Variants in TAF3 observed in about 807,000 individuals in gnomAD.
TAF3 encodes the protein transcription initiation factor TFIID subunit 3.
TAF3 carries 7 observed loss-of-function variants against 80.6 expected under a neutral mutation model. The ratio of observed to expected loss-of-function variants is 0.09; its 90% CI spans 0.05 to 0.16. TAF3 has a LOEUF of 0.16. Among genes scored for constraint, TAF3 ranks in the 10% least tolerant of loss-of-function variants. TAF3 has a pLI of 1.00. For missense variants in TAF3, 921 were observed against 1,140.2 expected (o/e 0.81, Z 2.77); for synonymous variants, 444 against 446.1 (o/e 1.00, Z 0.06).
intron 2 of TAF3, among the ~76,000 whole-genome samples, chr10:7,922,190 TC>T (rs1259287375): frequency 2.0e-5 from 3 of 152,120 alleles, no homozygotes; most frequent in Admixed American, 6.5e-5. Context: ...ATCGAGTACT[TC>T]TGTCTACTTG....
chr10:7,970,657 C>T (rs145244596), intron 3 of TAF3, among the ~76,000 whole-genome samples: 8 of 152,250 alleles, frequency 5.3e-5, no homozygotes, highest in African/African-American at 1.2e-4. Flanking sequence ...CCTGTTTAAC[C>T]GCCATATTTT....
chr10:7,872,213 ATTTTTT>A (rs34945620), intron 2 of TAF3, among the ~76,000 whole-genome samples: 2 of 121,972 alleles, frequency 1.6e-5, no homozygotes, highest in African/African-American at 6.2e-5. Context: ...TGTTGGGTTG[ATTTTTT>A]TTTTTTTTTT....
intron 3 of TAF3, among the ~76,000 whole-genome samples, chr10:7,975,511 A>G (rs4747654): frequency 0.36 from 55,375 of 152,102 alleles, 11,113 homozygotes; most frequent in Admixed American, 0.49. Context: ...GGAATTAAAA[A>G]TGTTCTTTGG....
chr10:7,849,489 A>G (rs910679604), intron 2 of TAF3, among the ~76,000 whole-genome samples: 11 of 152,186 alleles, frequency 7.2e-5, no homozygotes, highest in African/African-American at 2.7e-4. Flanking sequence ...TTTATGTTTC[A>G]TAAGCATTGT....
chr10:7,991,705 T>A (rs1019016265), intron 4 of TAF3, among the ~76,000 whole-genome samples: 1 of 152,196 alleles, frequency 6.6e-6, no homozygotes, highest in Non-Finnish European at 1.5e-5. Context: ...AATAAGTATA[T>A]ATACACTATA....
chr10:7,886,446 T>A (rs1837409611), intron 2 of TAF3, among the ~76,000 whole-genome samples: 1 of 152,218 alleles, frequency 6.6e-6, no homozygotes, highest in African/African-American at 2.4e-5. Context: ...TATGTAACTA[T>A]TTTTTTCTTT....
Position 7,948,347 on chromosome 10 carries a change from T to C in TAF3, c.410-15573T>C, listed in dbSNP as rs1838047343. 2.0e-5 allele frequency among the ~76,000 whole-genome samples: 3 copies of C among 151,780 alleles called. No individual in the cohort carries two copies. In the South Asian group the frequency reaches 6.2e-4, roughly 32 times the overall value. On this transcript the variant is annotated intron_variant, in intron 2 of 6. Coordinates refer to ENST00000344293, the MANE Select transcript of TAF3 (RefSeq NM_031923.4). The stretch of plus-strand genomic sequence containing the variant: ...CAAGCAGTCCTCCTGCCTCAGCCTC[T>C]TAAAGTGTTGGGATTACAGGCATGA...
At chr10:7,994,808 C>A (rs192866678) in intron 4 of TAF3, among the ~76,000 whole-genome samples, 1,190 of 111,204 alleles carry the variant, frequency 0.011, 13 homozygotes, top group African/African-American at 0.036. Context: ...ACTAAAAATA[C>A]CAAAAAAAAA....
At chr10:7,972,775 C>A (rs1246372248) in intron 3 of TAF3, among the ~76,000 whole-genome samples, 1 of 152,236 alleles carries the variant, frequency 6.6e-6, no homozygotes, top group East Asian at 1.9e-4. Context: ...TTTAAGACAG[C>A]GTTGAAAACC....
intron 2 of TAF3, among the ~76,000 whole-genome samples, chr10:7,850,158 A>G (rs1470777327): frequency 1.3e-5 from 2 of 152,078 alleles, no homozygotes; most frequent in African/African-American, 4.8e-5. Flanking sequence ...ACTCAGTGTT[A>G]TTTTCTATTC....
intron 2 of TAF3, among the ~76,000 whole-genome samples, chr10:7,887,691 A>G (rs1837421162): frequency 6.6e-6 from 1 of 152,202 alleles, no homozygotes; most frequent in Non-Finnish European, 1.5e-5. Context: ...GTCTGAGAAC[A>G]AACCTCAAGA....
chr10:7,899,781 C>G (rs908879286), intron 2 of TAF3, among the ~76,000 whole-genome samples: 2 of 152,084 alleles, frequency 1.3e-5, no homozygotes, highest in African/African-American at 2.4e-5. Flanking sequence ...GGGATGTGCT[C>G]TATAGTATGT....
intron 2 of TAF3, among the ~76,000 whole-genome samples, chr10:7,942,300 G>C (rs1448357774): frequency 6.6e-6 from 1 of 152,096 alleles, no homozygotes. Context: ...AAGATACTTA[G>C]GGTAAATATT....
Position 7,824,384 on chromosome 10 carries a change from A to G in TAF3, c.233A>G (p.His78Arg), listed in dbSNP as rs988576362. 3.7e-6 allele frequency: 6 copies of G among 1,614,076 alleles called. No individual in the cohort carries two copies. Among genetic ancestry groups the G allele is most frequent in the African/African-American group, 2.7e-5 (2 of 74,940 alleles). ...EAFQLMGVSL[H>R]ELEDYIHNIE... ...TTCCAGCTGATGGGGGTTAGTCTAC[A>G]TGAACTAGAAGACTATATTCACAAC... The change falls in exon 2 of 7, where the codon CAT becomes CGT. Residue 78 changes from histidine to arginine, a missense_variant. Transcript: ENST00000344293.
chr10:7,956,983 T>A (rs999052984), intron 2 of TAF3, among the ~76,000 whole-genome samples: 1 of 152,182 alleles, frequency 6.6e-6, no homozygotes, highest in African/African-American at 2.4e-5. Flanking sequence ...CTATAGGGGT[T>A]ATATAATAAT....
chr10:7,866,003 A>G (rs1007957357), intron 2 of TAF3, among the ~76,000 whole-genome samples: 1 of 152,204 alleles, frequency 6.6e-6, no homozygotes, highest in Non-Finnish European at 1.5e-5. Context: ...GTTTTACCCA[A>G]TAGCATATCC....
intron 4 of TAF3, among the ~76,000 whole-genome samples, chr10:7,978,189 G>C (rs1831691884): frequency 6.6e-6 from 1 of 152,244 alleles, no homozygotes; most frequent in African/African-American, 2.4e-5. Context: ...GTTGAAAATA[G>C]GCTTACAAGG....
chr10:7,928,599 T>G (rs1588555304), intron 2 of TAF3, among the ~76,000 whole-genome samples: 1 of 152,214 alleles, frequency 6.6e-6, no homozygotes, highest in East Asian at 1.9e-4. Context: ...CTTGTAGGAT[T>G]GCCCTTGTGT....
intron 2 of TAF3, among the ~76,000 whole-genome samples, chr10:7,870,650 T>G (rs1051199102): frequency 6.6e-6 from 1 of 152,234 alleles, no homozygotes; most frequent in African/African-American, 2.4e-5. Flanking sequence ...CTTGAGTTTT[T>G]AGGCCTTAAC....
Sources: gnomAD v4.1 joint callset for allele counts (sites outside exome capture counted in the v4.1 genomes callset) on GRCh38, gnomAD v4.1.1 for gene constraint, MANE v1.5 for transcripts, NCBI Gene and HGNC (gene_info 2026-07-23, HGNC 2026-07-21) for gene names.